PCCA: variants seen among roughly 807,000 people sequenced by gnomAD.
PCCA encodes propionyl-CoA carboxylase alpha chain, mitochondrial.
In PCCA, 74 loss-of-function variants were observed where a neutral mutation model predicts 101.3. The ratio of observed to expected loss-of-function variants is 0.73; its 90% CI spans 0.61 to 0.89. PCCA has a LOEUF of 0.89. Among genes scored for constraint, PCCA ranks in the 40% least tolerant of loss-of-function variants. The probability of loss-of-function intolerance (pLI) is 0.00; values close to 1 mark genes in which losing one functional copy is unlikely to be tolerated. For synonymous variants in PCCA, 294 were observed against 313.6 expected (o/e 0.94, Z 0.66); for missense variants, 891 against 907.0 (o/e 0.98, Z 0.23).
chr13:100,317,554 T>A (rs1249995320), intron 16 of PCCA, among the ~76,000 whole-genome samples: 1 of 152,180 alleles, frequency 6.6e-6, no homozygotes, highest in African/African-American at 2.4e-5. Context: ...GAGCCAGAAC[T>A]TTGGGTGTTG....
rs1252051543 is a variant in PCCA at position 100,259,303 on chromosome 13, G to C, written c.716+1630G>C. Among the ~76,000 whole-genome samples, 3 of 144,210 alleles carry C rather than the reference G, an allele frequency of 2.1e-5. No individual in the cohort carries two copies. In the East Asian group the frequency reaches 6.1e-4, roughly 30 times the overall value. 94.6% of individuals were successfully genotyped at this position (144,210 alleles called of 152,430 possible). On this transcript the variant is annotated intron_variant, in intron 9 of 23. Transcript: ENST00000376285. ...TTGTCTTGGAATCTGTAGGACATCT[G>C]AAAGATTTTTTTTAAAAATGTAATG...
At chr13:100,281,287 A>G (rs1235096714) in intron 12 of PCCA, among the ~76,000 whole-genome samples, 1 of 152,214 alleles carries the variant, frequency 6.6e-6, no homozygotes, top group African/African-American at 2.4e-5. Context: ...CATTGTGAAG[A>G]AGGAAAAGAA....
chr13:100,523,680 G>A (rs949158723), intron 22 of PCCA, among the ~76,000 whole-genome samples: 2 of 152,340 alleles, frequency 1.3e-5, no homozygotes, highest in East Asian at 3.9e-4. Flanking sequence ...TTGACCTCGT[G>A]TCAAAGGAGA....
At chr13:100,355,205 A>C (rs551940396) in intron 18 of PCCA, among the ~76,000 whole-genome samples, 1 of 152,252 alleles carries the variant, frequency 6.6e-6, no homozygotes, top group Non-Finnish European at 1.5e-5. Context: ...AGAGAAAAAA[A>C]CCACAGGATT....
At chr13:100,440,752 A>G (rs554974025) in intron 20 of PCCA, among the ~76,000 whole-genome samples, 1 of 152,126 alleles carries the variant, frequency 6.6e-6, no homozygotes, top group African/African-American at 2.4e-5. Flanking sequence ...TGCATGTGAC[A>G]TGACACTCTC....
chr13:100,487,245 A>C (rs1452838792), intron 21 of PCCA, among the ~76,000 whole-genome samples: 2 of 152,218 alleles, frequency 1.3e-5, no homozygotes, highest in African/African-American at 4.8e-5. Flanking sequence ...TTCTGAACTG[A>C]AGCAGTGTTA....
chr13:100,199,972 G>A (rs776436999), intron 6 of PCCA, among the ~76,000 whole-genome samples: 5 of 152,114 alleles, frequency 3.3e-5, no homozygotes, highest in South Asian at 2.1e-4. Flanking sequence ...TCTTTGGTCC[G>A]TGGGGCTTAA....
chr13:100,102,314 T>G (rs555352847), intron 1 of PCCA, among the ~76,000 whole-genome samples: 1 of 152,176 alleles, frequency 6.6e-6, no homozygotes, highest in South Asian at 2.1e-4. Context: ...TTAGTCACTT[T>G]TCTTAATGTT....
At chr13:100,117,933 G>A (rs1594183917) in intron 4 of PCCA, among the ~76,000 whole-genome samples, 1 of 151,772 alleles carries the variant, frequency 6.6e-6, no homozygotes, top group African/African-American at 2.4e-5. Flanking sequence ...TGGCTAACAC[G>A]GTGAAACCCT....
At chr13:100,402,531 T>C (rs933613351) in intron 19 of PCCA, among the ~76,000 whole-genome samples, 1 of 152,240 alleles carries the variant, frequency 6.6e-6, no homozygotes, top group African/African-American at 2.4e-5. Flanking sequence ...TGCTGAGTTC[T>C]TCATGAGGGC....
At chr13:100,213,502 T>A (rs1173925631) in intron 7 of PCCA, among the ~76,000 whole-genome samples, 1 of 152,238 alleles carries the variant, frequency 6.6e-6, no homozygotes, top group East Asian at 1.9e-4. Flanking sequence ...CACCTTTTTA[T>A]ATGCCTGTTT....
rs1320862757 is a variant in PCCA at position 100,263,064 on chromosome 13, C to T, written c.819+233C>T. Among the ~76,000 whole-genome samples the T allele has an allele frequency of 2.6e-5, 4 of 152,064 alleles. No individual in the cohort carries two copies. The South Asian group carries it at 6.2e-4, about 24-fold the overall frequency. ...AGGCTAATCTCCTTCCAAGACTGGA[C>T]CATTATAGGGCATTTTTTAAAAAAG... is the stretch of plus-strand genomic sequence containing the variant. On this transcript the variant is annotated intron_variant, in intron 10 of 23. Transcript: ENST00000376285.
At chr13:100,444,875 A>T (rs919255524) in intron 20 of PCCA, among the ~76,000 whole-genome samples, 1 of 152,114 alleles carries the variant, frequency 6.6e-6, no homozygotes, top group African/African-American at 2.4e-5. Flanking sequence ...AAAATTTGTA[A>T]TTGGTTTTTA....
At chr13:100,430,136 A>G (rs945517523) in intron 20 of PCCA, among the ~76,000 whole-genome samples, 10 of 152,024 alleles carry the variant, frequency 6.6e-5, no homozygotes, top group Non-Finnish European at 1.2e-4. Context: ...TTAGCCAGGC[A>G]TGGTGGCGCA....
intron 6 of PCCA, among the ~76,000 whole-genome samples, chr13:100,205,766 C>T (rs761915448): frequency 6.6e-6 from 1 of 151,918 alleles, no homozygotes; most frequent in Admixed American, 6.6e-5. Context: ...CTGGCATAGT[C>T]GTTTTTAAAG....
intron 4 of PCCA, among the ~76,000 whole-genome samples, chr13:100,123,676 T>G (rs1286098211): frequency 6.6e-6 from 1 of 152,142 alleles, no homozygotes; most frequent in Non-Finnish European, 1.5e-5. Context: ...ATAGCCTAGA[T>G]AATTCTGAGG....
At chr13:100,288,206 G>A (rs1231422024) in intron 12 of PCCA, among the ~76,000 whole-genome samples, 2 of 152,172 alleles carry the variant, frequency 1.3e-5, no homozygotes, top group African/African-American at 4.8e-5. Context: ...CCTCCCTCAT[G>A]CCACACCATT....
chr13:100,481,729 C>CT (rs2083955453), intron 21 of PCCA, among the ~76,000 whole-genome samples: 2 of 152,040 alleles, frequency 1.3e-5, no homozygotes, highest in African/African-American at 4.8e-5. Flanking sequence ...ACAAGATCTC[C>CT]TCACACTACT....
At position 100,498,822 on chromosome 13, in the gene PCCA, G is replaced by A. The variant is rs571375871; in HGVS notation, c.1900-16605G>A. ...ATGCTTAAAATAACTCCTCCCTATT[G>A]AACTGTTTTGGAGTGATATTTCCTG... On this transcript the variant is annotated intron_variant, in intron 21 of 23. Coordinates refer to ENST00000376285, the MANE Select transcript of PCCA (RefSeq NM_000282.4). Among the ~76,000 whole-genome samples the A allele has an allele frequency of 1.7e-4, 26 of 152,184 alleles. 1 individual carries two copies. The East Asian group carries it at 4.6e-3, about 27-fold the overall frequency.
Sources: gnomAD v4.1 joint callset for allele counts (sites outside exome capture counted in the v4.1 genomes callset) on GRCh38, gnomAD v4.1.1 for gene constraint, MANE v1.5 for transcripts, NCBI Gene and HGNC (gene_info 2026-07-23, HGNC 2026-07-21) for gene names.